RPAP2: variants seen among roughly 807,000 people sequenced by gnomAD.
RPAP2 encodes putative RNA polymerase II subunit B1 CTD phosphatase RPAP2.
RPAP2 carries 52 observed loss-of-function variants against 73.1 expected under a neutral mutation model. The ratio of observed to expected loss-of-function variants is 0.71; its 90% CI spans 0.57 to 0.90. RPAP2 has a LOEUF of 0.90. RPAP2 is among the 40% of genes least tolerant of loss of function. The pLI, the probability that RPAP2 is intolerant of heterozygous loss-of-function variation, is 0.00. For missense variants in RPAP2, 598 were observed against 701.8 expected (o/e 0.85, Z 1.67); for synonymous variants, 225 against 242.1 (o/e 0.93, Z 0.65).
intron 11 of RPAP2, among the ~76,000 whole-genome samples, chr1:92,369,776 G>A (rs1655072856): frequency 6.6e-6 from 1 of 152,198 alleles, no homozygotes. Flanking sequence ...GAAAAGAGGA[G>A]CCTGGGGAGT....
intron 6 of RPAP2, among the ~76,000 whole-genome samples, chr1:92,316,426 A>G (rs1005430749): frequency 5.3e-5 from 8 of 152,208 alleles, no homozygotes; most frequent in Non-Finnish European, 7.3e-5. Context: ...TGGTTTACAT[A>G]TAACATACAT....
rs1217083302 is a variant in RPAP2 at position 92,333,254 on chromosome 1, T to C, written c.1456-137T>C. 28 of 634,970 alleles carry C rather than the reference T, an allele frequency of 4.4e-5. No homozygotes were observed. The East Asian group carries it at 5.0e-4, about 11-fold the overall frequency. 39.3% of individuals were successfully genotyped at this position (634,970 alleles called of 1,614,324 possible). On this transcript the variant is annotated intron_variant, in intron 8 of 12. Coordinates refer to ENST00000610020, the MANE Select transcript of RPAP2 (RefSeq NM_024813.3). ...AACTGAGTTGATACTCAAATTTAAA[T>C]CTAATTCTCAAGTCTAGTTATTTTC...
chr1:92,328,447 T>C (rs1047676458), intron 8 of RPAP2, among the ~76,000 whole-genome samples: 1 of 152,232 alleles, frequency 6.6e-6, no homozygotes, highest in African/African-American at 2.4e-5. Flanking sequence ...GCTGAGACTT[T>C]CCAGTGCATT....
chr1:92,366,888 T>G (rs927959981), intron 11 of RPAP2, among the ~76,000 whole-genome samples: 1 of 152,176 alleles, frequency 6.6e-6, no homozygotes, highest in Admixed American at 6.5e-5. Context: ...CAGTTTTGAT[T>G]GTATGGGTGT....
intron 5 of RPAP2, among the ~76,000 whole-genome samples, chr1:92,305,450 A>AAAAAAC (rs1202528088): frequency 7.0e-6 from 1 of 141,850 alleles, no homozygotes; most frequent in African/African-American, 3.0e-5. Context: ...AAAAAAAAAA[A>AAAAAAC]AGACAATATG....
chr1:92,324,534 G>A (rs549581821), intron 8 of RPAP2, among the ~76,000 whole-genome samples, 159 bp downstream of exon 8: 1 of 152,318 alleles, frequency 6.6e-6, no homozygotes, highest in Admixed American at 6.5e-5. Context: ...CATCTCCACT[G>A]TTGGCATTAC....
At chr1:92,320,736 C>A in intron 7 of RPAP2, 102 bp downstream of exon 7, 1 of 839,056 alleles carries the variant, frequency 1.2e-6, no homozygotes, top group Non-Finnish European at 1.9e-6. Flanking sequence ...TGTGCTGATG[C>A]ATTATGTAAG....
rs376093800 is a variant in RPAP2, at chr1:92,333,315, T to A, written c.1456-76T>A. 7 of 1,159,196 alleles carry A rather than the reference T, an allele frequency of 6.0e-6. No individual in the cohort carries two copies. In the African/African-American group the frequency reaches 1.1e-4, roughly 18 times the overall value. 71.8% of individuals were successfully genotyped at this position (1,159,196 alleles called of 1,614,324 possible). A position where few individuals can be genotyped will look rare whatever the true frequency, so the allele number is the denominator to read the frequency against. The stretch of plus-strand genomic sequence containing the variant: ...ACAGATACAAACTTTTGTGTTTTAA[T>A]GTTTATTGTTCTGCTTATCAAAGAA... On this transcript the variant is annotated intron_variant, in intron 8 of 12. Coordinates refer to ENST00000610020, the MANE Select transcript of RPAP2 (RefSeq NM_024813.3).
At chr1:92,357,624 C>G (rs1353686817) in intron 11 of RPAP2, among the ~76,000 whole-genome samples, 2 of 152,182 alleles carry the variant, frequency 1.3e-5, no homozygotes, top group Non-Finnish European at 1.5e-5. Flanking sequence ...CTCTGCTTCC[C>G]AGGTTCAAGT....
intron 10 of RPAP2, among the ~76,000 whole-genome samples, chr1:92,338,766 A>AT (rs561493861): frequency 4.7e-5 from 7 of 148,564 alleles, no homozygotes; most frequent in Non-Finnish European, 9.0e-5. Flanking sequence ...AGCCTGGCTA[A>AT]TTTTTTTTTT....
At chr1:92,305,296 G>A (rs1651128989) in intron 5 of RPAP2, among the ~76,000 whole-genome samples, 1 of 151,520 alleles carries the variant, frequency 6.6e-6, no homozygotes, top group Non-Finnish European at 1.5e-5. Context: ...AGCCAAACGT[G>A]ATGGCGGGCG....
intron 10 of RPAP2, among the ~76,000 whole-genome samples, chr1:92,340,210 T>G (rs979362689): frequency 1.2e-4 from 19 of 152,182 alleles, no homozygotes; most frequent in Non-Finnish European, 2.5e-4. Context: ...GTCTGTAGCT[T>G]TGATAAAAAT....
chr1:92,383,743 T>C (rs746146776), intron 12 of RPAP2, among the ~76,000 whole-genome samples: 4,881 of 148,102 alleles, frequency 0.033, 324 homozygotes, highest in African/African-American at 0.12. Context: ...TTTTCCTAAT[T>C]GATACCCTGT....
In RPAP2 at chr1:92,387,138, T is replaced by C; in HGVS notation, c.*127T>C. On this transcript the variant is annotated 3_prime_UTR_variant, in exon 13 of 13. Coordinates refer to ENST00000610020, the MANE Select transcript of RPAP2 (RefSeq NM_024813.3). Reference sequence around the variant, plus strand: ...CAAGACATACCTTTACCTCTTTAAGTTTCAATCTCCCATCTCCCAGTCCTT... The same window carrying C: ...CAAGACATACCTTTACCTCTTTAAGCTTCAATCTCCCATCTCCCAGTCCTT... 1 of 950,130 alleles carries C rather than the reference T, an allele frequency of 1.1e-6. No homozygotes were observed. Among genetic ancestry groups the C allele is most frequent in the East Asian group, 2.6e-5 (1 of 37,952 alleles). The allele number at this position is 950,130 out of a possible 1,614,324, so 58.9% of individuals were successfully genotyped here.
intron 11 of RPAP2, among the ~76,000 whole-genome samples, chr1:92,374,533 T>G (rs1655306492): frequency 6.6e-6 from 1 of 152,090 alleles, no homozygotes; most frequent in Non-Finnish European, 1.5e-5. Flanking sequence ...GGTCCTAAAC[T>G]CGAGTTACTC....
At chr1:92,319,516 C>T (rs1285899772) in intron 6 of RPAP2, among the ~76,000 whole-genome samples, 1 of 152,090 alleles carries the variant, frequency 6.6e-6, no homozygotes, top group Non-Finnish European at 1.5e-5. Flanking sequence ...CTGGTAATCC[C>T]AGCACTGTGG....
intron 6 of RPAP2, among the ~76,000 whole-genome samples, chr1:92,308,361 C>T (rs1372095092): frequency 6.6e-6 from 1 of 152,212 alleles, no homozygotes; most frequent in Non-Finnish European, 1.5e-5. Context: ...TTCGACATGA[C>T]TGGGAAGCTA....
chr1:92,333,894 A>G (rs1653119602), intron 9 of RPAP2, among the ~76,000 whole-genome samples: 1 of 152,184 alleles, frequency 6.6e-6, no homozygotes, highest in Non-Finnish European at 1.5e-5. Flanking sequence ...CCTTAGAACC[A>G]TTTCACACTC....
At position 92,336,186 on chromosome 1, in the gene RPAP2, C is replaced by T. The variant is rs534329948; in HGVS notation, c.1539-161C>T. Among the ~76,000 whole-genome samples the T allele has an allele frequency of 3.3e-5, 5 of 152,216 alleles. No individual in the cohort carries two copies. In the South Asian group the frequency reaches 1.0e-3, roughly 32 times the overall value. On this transcript the variant is annotated intron_variant, in intron 9 of 12. Coordinates refer to ENST00000610020, the MANE Select transcript of RPAP2 (RefSeq NM_024813.3). ...AGTGTGGGGTTACTATGAATGTTTC[C>T]TTATGAGTTCTCACCAATCATAACC...
Sources: gnomAD v4.1 joint callset for allele counts (sites outside exome capture counted in the v4.1 genomes callset) on GRCh38, gnomAD v4.1.1 for gene constraint, MANE v1.5 for transcripts, NCBI Gene and HGNC (gene_info 2026-07-23, HGNC 2026-07-21) for gene names.